The following UGP2 variants were observed in gnomAD, a reference collection of about 807,000 sequenced individuals.
The protein encoded by UGP2 is UDP-glucose pyrophosphorylase 2.
In UGP2, 40 loss-of-function variants were observed where a neutral mutation model predicts 49.0. The observed-to-expected ratio is 0.82, with a 90% CI of 0.63 to 1.06. The LOEUF (loss-of-function observed/expected upper bound fraction) is 1.06. UGP2 is among the 50% of genes least tolerant of loss of function. The probability of loss-of-function intolerance (pLI) is 0.00; values close to 1 mark genes in which losing one functional copy is unlikely to be tolerated. For synonymous variants in UGP2, 225 were observed against 213.0 expected (o/e 1.06, Z -0.49); for missense variants, 460 against 603.5 (o/e 0.76, Z 2.49).
intron 3 of UGP2, among the ~76,000 whole-genome samples, chr2:63,863,763 A>T (rs910943956): frequency 6.6e-6 from 1 of 152,218 alleles, no homozygotes; most frequent in Non-Finnish European, 1.5e-5. Flanking sequence ...GTAATAACTA[A>T]GAGTACTGAT....
chr2:63,852,449 G>A (rs1017258784), intron 1 of UGP2, among the ~76,000 whole-genome samples: 9 of 152,254 alleles, frequency 5.9e-5, no homozygotes, highest in African/African-American at 1.9e-4. Context: ...CCTTTAGGCA[G>A]TCTGCTTTCA....
At chr2:63,842,261 A>T in intron 1 of UGP2, 57 bp downstream of exon 1, 1 of 1,608,730 alleles carries the variant, frequency 6.2e-7, no homozygotes, top group African/African-American at 1.3e-5. Flanking sequence ...GGGTACTGAC[A>T]GTGGAGAGGT....
At chr2:63,853,558 G>A (rs1227686247) in intron 1 of UGP2, among the ~76,000 whole-genome samples, 1 of 152,060 alleles carries the variant, frequency 6.6e-6, no homozygotes, top group Non-Finnish European at 1.5e-5. Flanking sequence ...GTGGCCTAGG[G>A]ATGGCTCTTC....
At chr2:63,879,070 A>G (rs952072273) in intron 3 of UGP2, among the ~76,000 whole-genome samples, 4 of 152,182 alleles carry the variant, frequency 2.6e-5, no homozygotes, top group African/African-American at 9.7e-5. Flanking sequence ...ATCAAATTAA[A>G]TAGCTCAAAA....
At chr2:63,858,564 T>C (rs1669610943) in intron 3 of UGP2, among the ~76,000 whole-genome samples, 1 of 152,132 alleles carries the variant, frequency 6.6e-6, no homozygotes, top group Admixed American at 6.5e-5. Flanking sequence ...CACGTAATGT[T>C]CTCTCTGAGG....
intron 2 of UGP2, 31 bp from the exon 3 acceptor site, chr2:63,857,798 C>T: frequency 1.3e-6 from 2 of 1,568,226 alleles, no homozygotes; most frequent in Non-Finnish European, 1.7e-6. Context: ...AAGCATTCTG[C>T]TGGTTGTAAC....
chr2:63,860,446 A>G (rs1240171958), intron 3 of UGP2, among the ~76,000 whole-genome samples: 1 of 152,206 alleles, frequency 6.6e-6, no homozygotes, highest in Non-Finnish European at 1.5e-5. Context: ...AAAACCTGAA[A>G]TACTTATTAT....
At chr2:63,861,590 A>G (rs1190963582) in intron 3 of UGP2, among the ~76,000 whole-genome samples, 1 of 149,054 alleles carries the variant, frequency 6.7e-6, no homozygotes, top group Admixed American at 6.7e-5. Flanking sequence ...TGGAAGGCTG[A>G]GGTAGGAAGA....
chr2:63,842,416 A>T, intron 1 of UGP2: 1 of 1,575,082 alleles, frequency 6.3e-7, no homozygotes, highest in Non-Finnish European at 8.6e-7. Flanking sequence ...TGCTGGGTTT[A>T]GTTTTGCCTC....
In UGP2 at chr2:63,885,583, T is replaced by C; in HGVS notation, c.576-6T>C. 1 of 1,522,280 alleles carries C rather than the reference T, an allele frequency of 6.6e-7. No homozygotes were observed. The highest frequency in any genetic ancestry group is 8.8e-7 in the Non-Finnish European group (1 of 1,140,896). 94.3% of individuals were successfully genotyped at this position (1,522,280 alleles called of 1,614,324 possible). On this transcript the variant is annotated splice_polypyrimidine_tract_variant and splice_region_variant and intron_variant, in intron 5 of 9. Coordinates refer to ENST00000337130, the MANE Select transcript of UGP2 (RefSeq NM_006759.4). ...ATATTGAAAAAGAACTTTTTTTTTT[T>C]TAAAGGTACCCGAGGATTAATAAAG... is the stretch of plus-strand genomic sequence containing the variant.
chr2:63,867,876 G>T (rs1670284773), intron 3 of UGP2, among the ~76,000 whole-genome samples: 1 of 152,088 alleles, frequency 6.6e-6, no homozygotes, highest in Admixed American at 6.5e-5. Flanking sequence ...ACAAATTTTT[G>T]TTATTGCAAA....
At chr2:63,884,699 C>T (rs1469737035) in intron 5 of UGP2, among the ~76,000 whole-genome samples, 2 of 151,930 alleles carry the variant, frequency 1.3e-5, no homozygotes, top group African/African-American at 4.8e-5. Context: ...ATTGCTTGAG[C>T]CTAGGAGTTT....
intron 3 of UGP2, among the ~76,000 whole-genome samples, chr2:63,875,025 T>C (rs1381996666): frequency 3.3e-5 from 5 of 152,220 alleles, no homozygotes; most frequent in Non-Finnish European, 7.3e-5. Context: ...ACAAAGACAT[T>C]ATTCTAGGTA....
intron 2 of UGP2, chr2:63,856,964 T>C (rs35552326): frequency 0.19 from 73,091 of 381,730 alleles, 8,481 homozygotes; most frequent in Non-Finnish European, 0.24. Flanking sequence ...GTTCTTTTAG[T>C]GAAGATTAAT....
At chr2:63,877,905 A>G (rs1482867351) in intron 3 of UGP2, among the ~76,000 whole-genome samples, 1 of 146,736 alleles carries the variant, frequency 6.8e-6, no homozygotes, top group East Asian at 2.1e-4. Flanking sequence ...AGGCAGGAGA[A>G]TGGCGTGAAC....
intron 3 of UGP2, among the ~76,000 whole-genome samples, chr2:63,874,394 A>G (rs1279242053): frequency 1.3e-5 from 2 of 152,252 alleles, no homozygotes; most frequent in Non-Finnish European, 2.9e-5. Flanking sequence ...GTCATTGATC[A>G]CATATGAGCA....
intron 3 of UGP2, among the ~76,000 whole-genome samples, chr2:63,867,011 T>A (rs997790149): frequency 6.6e-6 from 1 of 152,242 alleles, no homozygotes; most frequent in African/African-American, 2.4e-5. Context: ...TTAACACCAT[T>A]TCTCAGGGAT....
chr2:63,881,428 A>C (rs1035097664), intron 3 of UGP2, among the ~76,000 whole-genome samples: 41 of 152,110 alleles, frequency 2.7e-4, no homozygotes, highest in African/African-American at 9.7e-4. Flanking sequence ...AAAGCACTTA[A>C]GGGGTAGTTT....
intron 1 of UGP2, chr2:63,855,333 T>C (rs905426919): frequency 5.0e-6 from 2 of 401,136 alleles, no homozygotes; most frequent in African/African-American, 2.1e-5. Flanking sequence ...ATAGAAACTT[T>C]ACAAATACAT....
Sources: allele counts gnomAD v4.1 joint callset (sites outside exome capture counted in the v4.1 genomes callset), GRCh38; gene constraint gnomAD v4.1.1; transcripts MANE v1.5; gene names NCBI Gene and HGNC (gene_info 2026-07-23, HGNC 2026-07-21).